Variants in RAPGEF1 observed in about 807,000 individuals in gnomAD.
RAPGEF1 encodes CRK SH3-binding GNRP.
RAPGEF1 carries 33 observed loss-of-function variants against 143.3 expected under a neutral mutation model. That is an observed-to-expected ratio of 0.23 (90% CI 0.17 to 0.31). The LOEUF (loss-of-function observed/expected upper bound fraction) is 0.31. Ranked by LOEUF, RAPGEF1 falls within the 10% of genes least tolerant of loss-of-function variation. RAPGEF1 has a pLI of 1.00. For missense variants in RAPGEF1, 1,199 were observed against 1,645.4 expected, an observed-to-expected ratio of 0.73 and a Z score of 4.69; for synonymous variants, 629 against 676.5, an observed-to-expected ratio of 0.93 and a Z score of 1.09.
chr9:131,603,358 T>C (rs757446701), intron 14 of RAPGEF1, among the ~76,000 whole-genome samples: 40 of 152,180 alleles, frequency 2.6e-4, no homozygotes, highest in Non-Finnish European at 5.4e-4. Context: ...GGAAAGTGGA[T>C]TGCTCAATAG....
chr9:131,614,834 G>T lies in RAPGEF1; in HGVS notation c.2061+4217C>A, dbSNP rs1233902167. Among the ~76,000 whole-genome samples the T allele has an allele frequency of 1.3e-4, 19 of 146,232 alleles. 1 individual carries two copies. Among genetic ancestry groups the T allele is most frequent in the Non-Finnish European group, 1.5e-5 (1 of 66,352 alleles). On this transcript the variant is annotated intron_variant, in intron 12 of 26. Coordinates refer to ENST00000683357, the MANE Select transcript of RAPGEF1 (RefSeq NM_001377935.1). Reference sequence around the variant, plus strand: ...ACACACTTAACTCTCTTAGCCTGAAGTTTTTTTTTTTTTTTTAAACAGATG... The same window carrying T: ...ACACACTTAACTCTCTTAGCCTGAATTTTTTTTTTTTTTTTTAAACAGATG...
In RAPGEF1 at chr9:131,584,457, T is replaced by C; in HGVS notation, c.3313-45A>G. 1.2e-6 allele frequency: 2 copies of C among 1,610,860 alleles called. No individual in the cohort carries two copies. The highest frequency in any genetic ancestry group is 1.7e-6 in the Non-Finnish European group (2 of 1,177,548). On this transcript the variant is annotated intron_variant, in intron 23 of 26. Transcript: ENST00000683357. This position sits in a 1 kb window ranked among gnomAD's most constrained non-coding sequence, Gnocchi z 6.8. ...GCCGTGAGGCAGGAGGGCAGGCGGG[T>C]CCCGGGCTCCCAGAGCAGGGACTGA...
intron 1 of RAPGEF1, among the ~76,000 whole-genome samples, chr9:131,674,159 T>C (rs759183432): frequency 6.6e-6 from 1 of 152,234 alleles, no homozygotes; most frequent in Non-Finnish European, 1.5e-5. Context: ...CTAGTTTCTT[T>C]ATAATAATAT....
At chr9:131,651,046 T>C in intron 1 of RAPGEF1, 97 bp from the exon 2 acceptor site, 1 of 1,397,208 alleles carries the variant, frequency 7.2e-7, no homozygotes, top group Non-Finnish European at 9.7e-7. Flanking sequence ...CAAACCCATC[T>C]TTTTTCTTGG....
chr9:131,684,549 G>T (rs529794487), intron 1 of RAPGEF1, among the ~76,000 whole-genome samples: 1 of 152,276 alleles, frequency 6.6e-6, no homozygotes, highest in African/African-American at 2.4e-5. Context: ...AGAGATTATG[G>T]AACACCGCAG....
chr9:131,626,264 G>A lies in RAPGEF1; in HGVS notation c.1360C>T (p.His454Tyr), dbSNP rs113690899. The A allele has an allele frequency of 1.9e-3, 3,053 of 1,613,978 alleles. 6 individuals carry two copies. The highest frequency in any genetic ancestry group is 2.2e-3 in the Non-Finnish European group (2,581 of 1,179,860). The stretch of plus-strand genomic sequence containing the variant: ...GCCAGAGGTCCGTCTGGCTGGGGAT[G>A]GCCGCCAAGAGGCAGCTGGAAAGGA... ...GPPFQLPLGG[H>Y]PQPDGPLAPG... The change falls in exon 10 of 27, where the codon CAT becomes TAT. Residue 454 changes from histidine to tyrosine, a missense_variant. By Grantham distance (83) the His-to-Tyr change is moderately conservative. Coordinates refer to ENST00000683357, the MANE Select transcript of RAPGEF1 (RefSeq NM_001377935.1).
At chr9:131,654,290 A>G (rs1015271984) in intron 1 of RAPGEF1, among the ~76,000 whole-genome samples, 1 of 152,248 alleles carries the variant, frequency 6.6e-6, no homozygotes, top group Admixed American at 6.5e-5. Flanking sequence ...TGTGAATTAT[A>G]TATCAATAAA....
intron 1 of RAPGEF1, among the ~76,000 whole-genome samples, chr9:131,730,090 A>G (rs1300471406): frequency 6.8e-6 from 1 of 146,998 alleles, no homozygotes; most frequent in Non-Finnish European, 1.5e-5. Flanking sequence ...GCTACTCAGG[A>G]GGCTGAGGCA....
intron 1 of RAPGEF1, among the ~76,000 whole-genome samples, chr9:131,739,154 C>T (rs991626587): frequency 6.6e-6 from 1 of 152,206 alleles, no homozygotes; most frequent in Non-Finnish European, 1.5e-5. Flanking sequence ...TAGGAACACA[C>T]AAAGAGACGA....
chr9:131,615,484 C>T (rs1349115574), intron 12 of RAPGEF1, among the ~76,000 whole-genome samples: 4 of 152,130 alleles, frequency 2.6e-5, no homozygotes, highest in African/African-American at 9.7e-5. Flanking sequence ...GTGCAGGGGA[C>T]GGTTGGAGGG....
chr9:131,586,863 C>CA (rs1953064601), intron 22 of RAPGEF1, among the ~76,000 whole-genome samples: 1 of 114,646 alleles, frequency 8.7e-6, no homozygotes, highest in Non-Finnish European at 1.8e-5. Flanking sequence ...CACACACACA[C>CA]ACCTGCAGAG....
chr9:131,605,950 T>C (rs1008893188), intron 12 of RAPGEF1, among the ~76,000 whole-genome samples: 1 of 152,070 alleles, frequency 6.6e-6, no homozygotes, highest in African/African-American at 2.4e-5. Flanking sequence ...GGTGAGTGCC[T>C]GCAGTTTTAG....
Position 131,598,784 on chromosome 9 carries a change from C to A in RAPGEF1, c.2502-474G>T, listed in dbSNP as rs1955748499. On this transcript the variant is annotated intron_variant, in intron 15 of 26. Coordinates refer to ENST00000683357, the MANE Select transcript of RAPGEF1 (RefSeq NM_001377935.1). ...GAACCAAGCAGACATAGCCTCTTGT[C>A]CCTGAGGGTTCAGTCGAGCAGGAGA... Among the ~76,000 whole-genome samples, 5 of 152,200 alleles carry A rather than the reference C, an allele frequency of 3.3e-5. No homozygotes were observed. In the South Asian group the frequency reaches 1.0e-3, roughly 32 times the overall value.
At chr9:131,730,915 G>T (rs1473482875) in intron 1 of RAPGEF1, among the ~76,000 whole-genome samples, 3 of 152,082 alleles carry the variant, frequency 2.0e-5, no homozygotes, top group Non-Finnish European at 4.4e-5. Flanking sequence ...TCCTCAGGAT[G>T]ATGGGGTGTC....
At chr9:131,639,244 AAC>A (rs59415460) in intron 4 of RAPGEF1, among the ~76,000 whole-genome samples, 3,705 of 152,284 alleles carry the variant, frequency 0.024, 153 homozygotes, top group African/African-American at 0.084. Flanking sequence ...GCGGAATTTT[AAC>A]AGTCATGAGC....
intron 10 of RAPGEF1, among the ~76,000 whole-genome samples, chr9:131,623,554 G>A (rs1961939303): frequency 6.6e-6 from 1 of 152,256 alleles, no homozygotes; most frequent in Non-Finnish European, 1.5e-5. Context: ...GAACAGCAGT[G>A]ATGCTCCCAG....
chr9:131,683,880 T>A (rs1588998502), intron 1 of RAPGEF1, among the ~76,000 whole-genome samples: 2 of 152,248 alleles, frequency 1.3e-5, no homozygotes, highest in East Asian at 1.9e-4. Flanking sequence ...ACTGATGACT[T>A]TATCTACCCA....
chr9:131,645,750 C>T (rs568079561), intron 3 of RAPGEF1, among the ~76,000 whole-genome samples: 178 of 152,302 alleles, frequency 1.2e-3, no homozygotes, highest in Non-Finnish European at 2.0e-3. Flanking sequence ...AGGGCAGGTG[C>T]GTTCACCTGC....
At chr9:131,676,238 C>T (rs1256158941) in intron 1 of RAPGEF1, among the ~76,000 whole-genome samples, 3 of 152,176 alleles carry the variant, frequency 2.0e-5, no homozygotes, top group Non-Finnish European at 2.9e-5. Flanking sequence ...CATGGGCAGC[C>T]GCTGGGGGTT....
Sources: gnomAD v4.1 joint callset for allele counts (sites outside exome capture counted in the v4.1 genomes callset) on GRCh38, gnomAD v4.1.1 for gene constraint, Gnocchi (gnomAD v3.1) non-coding constraint, MANE v1.5 for transcripts, NCBI Gene and HGNC (gene_info 2026-07-23, HGNC 2026-07-21) for gene names.